Variants in VWF observed in about 807,000 individuals in gnomAD.
VWF encodes the protein von Willebrand factor.
A neutral mutation model predicts 308.6 loss-of-function variants in VWF; 176 were observed. That is an observed-to-expected ratio of 0.57 (90% confidence interval 0.50 to 0.65). The LOEUF (loss-of-function observed/expected upper bound fraction) is 0.65. Ranked by LOEUF, VWF falls within the 30% of genes least tolerant of loss-of-function variation. The pLI is 0.00. For synonymous variants in VWF, 1,385 were observed against 1,443.4 expected, an observed-to-expected ratio of 0.96 and a Z score of 0.92; for missense variants, 3,146 against 3,648.2, an observed-to-expected ratio of 0.86 and a Z score of 3.55.
chr12:5,966,996 G>A lies in VWF; in HGVS notation c.7887+490C>T, dbSNP rs147781223. Among the ~76,000 whole-genome samples, 89 of 152,312 alleles carry A rather than the reference G, an allele frequency of 5.8e-4. No individual in the cohort carries two copies. The Middle Eastern group carries it at 0.02, about 35-fold the overall frequency. ...CAAGGAAGTATTCAGAACAAGCATC[G>A]TCAGCATGGCCTGGCAAAAACAGGG... On this transcript the variant is annotated intron_variant, in intron 47 of 51. Transcript: ENST00000261405.
chr12:6,053,045 T>C (rs76716402), intron 15 of VWF, among the ~76,000 whole-genome samples: 2 of 152,362 alleles, frequency 1.3e-5, no homozygotes, highest in East Asian at 3.9e-4. Flanking sequence ...ATGTGTATTT[T>C]TCAGCATGCA....
intron 16 of VWF, among the ~76,000 whole-genome samples, chr12:6,051,684 A>G (rs1944515328): frequency 6.6e-6 from 1 of 152,146 alleles, no homozygotes; most frequent in Non-Finnish European, 1.5e-5. Context: ...ATCACAGTTC[A>G]CTGCAGCCTT....
intron 15 of VWF, among the ~76,000 whole-genome samples, chr12:6,053,388 G>A (rs1194379424): frequency 6.6e-6 from 1 of 152,176 alleles, no homozygotes; most frequent in Non-Finnish European, 1.5e-5. Context: ...GGAAGGATTT[G>A]AACTCAGCTC....
chr12:5,986,202 C>T (rs1943678595), intron 38 of VWF, among the ~76,000 whole-genome samples: 1 of 152,202 alleles, frequency 6.6e-6, no homozygotes, highest in African/African-American at 2.4e-5. Context: ...AAGGTACACA[C>T]AGCCCCACAG....
intron 26 of VWF, 103 bp from the exon 27 acceptor site, chr12:6,022,138 G>A: frequency 1.3e-6 from 2 of 1,521,944 alleles, no homozygotes; most frequent in Admixed American, 1.7e-5. Context: ...TCCTGCCCTA[G>A]AAGCCAACTC....
intron 17 of VWF, among the ~76,000 whole-genome samples, chr12:6,045,469 T>C (rs531180559): frequency 6.6e-6 from 1 of 152,348 alleles, no homozygotes; most frequent in African/African-American, 2.4e-5. Context: ...AAGGTAGGTC[T>C]GAGAGGCAGA....
chr12:6,106,041 C>CA (rs375396765), intron 5 of VWF, among the ~76,000 whole-genome samples: 1 of 151,500 alleles, frequency 6.6e-6, no homozygotes, highest in Non-Finnish European at 1.5e-5. Context: ...AACTCCATCT[C>CA]AAAAAAAATA....
At position 6,057,134 on chromosome 12, in the gene VWF, G is replaced by A. The variant is rs1231434626; in HGVS notation, c.1730-62C>T. 7 of 1,425,408 alleles carry A rather than the reference G, an allele frequency of 4.9e-6. No homozygotes were observed. The Admixed American group carries it at 6.1e-5, about 12-fold the overall frequency. The allele number at this position is 1,425,408 out of a possible 1,614,324, so 88.3% of individuals were successfully genotyped here. A position where few individuals can be genotyped will look rare whatever the true frequency, so the allele number is the denominator to read the frequency against. ...GGAGGAGTGGGGGCCACGCCCTCCCGGTCAACACTCCCCTGGAAATAGCCC... is the reference window on the plus strand; with the variant it reads ...GGAGGAGTGGGGGCCACGCCCTCCCAGTCAACACTCCCCTGGAAATAGCCC... On this transcript the variant is annotated intron_variant, in intron 14 of 51. Coordinates refer to ENST00000261405, the MANE Select transcript of VWF (RefSeq NM_000552.5).
chr12:6,016,920 G>A (rs747890228), intron 28 of VWF, 50 bp from the exon 29 acceptor site: 1 of 1,571,946 alleles, frequency 6.4e-7, no homozygotes, highest in South Asian at 1.1e-5. Flanking sequence ...CAGGGACAAT[G>A]GCCACCAGGC....
chr12:5,987,605 C>G (rs1003828971), intron 38 of VWF, among the ~76,000 whole-genome samples: 1 of 152,320 alleles, frequency 6.6e-6, no homozygotes, highest in East Asian at 1.9e-4. Context: ...TCGTGAAAAT[C>G]TGAATGAGAA....
intron 3 of VWF, among the ~76,000 whole-genome samples, chr12:6,113,435 C>T (rs374183941): frequency 1.4e-3 from 218 of 151,860 alleles, no homozygotes; most frequent in African/African-American, 4.5e-3. Flanking sequence ...GTAGCTGGGA[C>T]TACAGGTGCC....
chr12:6,016,757 T>C lies in VWF; in HGVS notation c.5167A>G (p.Ile1723Val), dbSNP rs1322651402. Residue 1723 changes from isoleucine to valine, a missense_variant, in exon 29 of 52, where the codon ATA becomes GTA. This residue lies in a region of VWF where 853 missense variants were observed against 1,177.8 expected (regional missense o/e 0.72). Transcript: ENST00000261405. ...TTCAGGTGCCTCGCTCACCCACCTATATTGGCTTTTGAAATGAAAGCCTTG... is the reference window on the plus strand; with the variant it reads ...TTCAGGTGCCTCGCTCACCCACCTACATTGGCTTTTGAAATGAAAGCCTTG... ...FAKAFISKAN[I>V]GPRLTQVSVL... 3.1e-6 allele frequency: 5 copies of C among 1,614,212 alleles called. No individual in the cohort carries two copies. The highest frequency in any genetic ancestry group is 1.1e-5 in the South Asian group (1 of 91,092).
rs751221534 is a variant in VWF at position 6,011,834 on chromosome 12, G to T, written c.5665-40C>A. 10 of 1,520,566 alleles carry T rather than the reference G, an allele frequency of 6.6e-6. No homozygotes were observed. The South Asian group carries it at 9.0e-5, about 14-fold the overall frequency. The allele number at this position is 1,520,566 out of a possible 1,614,324, so 94.2% of individuals were successfully genotyped here. A position where few individuals can be genotyped will look rare whatever the true frequency, so the allele number is the denominator to read the frequency against. ...AGCAGATTCAGGCAGGGAATAAGAT[G>T]AGGTACTCCAACTCTAAGCCCATCT... On this transcript the variant is annotated intron_variant, in intron 33 of 51. Coordinates refer to ENST00000261405, the MANE Select transcript of VWF (RefSeq NM_000552.5).
intron 38 of VWF, among the ~76,000 whole-genome samples, chr12:5,988,783 A>G (rs1013166599): frequency 6.6e-5 from 10 of 152,198 alleles, no homozygotes; most frequent in Non-Finnish European, 1.0e-4. Flanking sequence ...GCCCAGGCCA[A>G]CTGCAGGCAG....
chr12:5,999,624 A>G (rs907579440), intron 34 of VWF, among the ~76,000 whole-genome samples: 1 of 152,194 alleles, frequency 6.6e-6, no homozygotes, highest in African/African-American at 2.4e-5. Context: ...TCTTCAAAAG[A>G]TCAGAAAATG....
chr12:6,054,610 G>A (rs1944555893), intron 15 of VWF, among the ~76,000 whole-genome samples: 1 of 152,238 alleles, frequency 6.6e-6, no homozygotes, highest in Non-Finnish European at 1.5e-5. Context: ...GGGAGGCAGA[G>A]ATGGCCAGCC....
intron 6 of VWF, among the ~76,000 whole-genome samples, chr12:6,087,253 T>C (rs1464328776): frequency 3.3e-5 from 5 of 150,850 alleles, no homozygotes; most frequent in African/African-American, 9.8e-5. Flanking sequence ...GGGCATACAA[T>C]GAAAGAAGGA....
chr12:6,105,699 T>G (rs1340701345), intron 5 of VWF, among the ~76,000 whole-genome samples: 1 of 151,958 alleles, frequency 6.6e-6, no homozygotes, highest in Non-Finnish European at 1.5e-5. Flanking sequence ...GAAAATAGAA[T>G]TGCCATTAGA....
chr12:6,014,137 G>T (rs1486306173), intron 31 of VWF, among the ~76,000 whole-genome samples: 1 of 152,046 alleles, frequency 6.6e-6, no homozygotes, highest in Non-Finnish European at 1.5e-5. Flanking sequence ...ATCCCAAGCA[G>T]AGAGAAGAGT....
Sources: gnomAD v4.1 joint callset for allele counts (sites outside exome capture counted in the v4.1 genomes callset) on GRCh38, gnomAD v4.1.1 for gene constraint, gnomAD v4.1.1 regional missense constraint, MANE v1.5 for transcripts, NCBI Gene and HGNC (gene_info 2026-07-23, HGNC 2026-07-21) for gene names.